The following PRKCSH variants were observed in gnomAD, a reference collection of about 807,000 sequenced individuals.
The protein encoded by PRKCSH is PRKCSH beta subunit of glucosidase II.
Under a neutral mutation model 79.7 loss-of-function variants are expected in PRKCSH, and 42 were observed. The observed-to-expected ratio is 0.53, with a 90% CI of 0.41 to 0.68. PRKCSH has a LOEUF of 0.68. PRKCSH is among the 30% of genes least tolerant of loss of function. The pLI, the probability that PRKCSH is intolerant of heterozygous loss-of-function variation, is 0.00. For missense variants in PRKCSH, 686 were observed against 709.0 expected, an observed-to-expected ratio of 0.97 and a Z score of 0.37; for synonymous variants, 325 against 288.2, an observed-to-expected ratio of 1.13 and a Z score of -1.29.
intron 9 of PRKCSH, 60 bp downstream of exon 9, chr19:11,446,410 AG>A: frequency 6.5e-7 from 1 of 1,539,980 alleles, no homozygotes; most frequent in Non-Finnish European, 8.8e-7. Context: ...GGGTGACCTC[AG>A]GGCACAGGAG....
rs1970296590 is a variant in PRKCSH at position 11,446,327 on chromosome 19, G to A, written c.739G>A (p.Ala247Thr). ...GGAGCTGGACACAGATGGGGATGGG[G>A]CGTTGTCAGAAGCGGAAGCTCAGGT... ...HPELDTDGDG[A>T]LSEAEAQALL... Residue 247 changes from alanine (A) to threonine (T), a missense_variant, in exon 9 of 18, where the codon GCG becomes ACG. Coordinates refer to ENST00000677123, the MANE Select transcript of PRKCSH (RefSeq NM_001289104.2). The A allele has an allele frequency of 6.2e-7, 1 of 1,613,870 alleles. No homozygotes were observed. The highest frequency in any genetic ancestry group is 8.5e-7 in the Non-Finnish European group (1 of 1,179,806).
intron 6 of PRKCSH, among the ~76,000 whole-genome samples, 153 bp downstream of exon 6, chr19:11,441,510 G>A (rs990851937): frequency 3.3e-5 from 5 of 152,296 alleles, no homozygotes; most frequent in Admixed American, 6.5e-5. Context: ...TGTGCTAGGC[G>A]TTTAGTCATT....
At chr19:11,444,330 G>A (rs545924575) in intron 7 of PRKCSH, among the ~76,000 whole-genome samples, 1 of 152,262 alleles carries the variant, frequency 6.6e-6, no homozygotes, top group South Asian at 2.1e-4. Flanking sequence ...ATTCCCAAAG[G>A]GTGGCGGGGC....
intron 2 of PRKCSH, 84 bp from the exon 3 acceptor site, chr19:11,436,305 C>A (rs778441057): frequency 2.5e-6 from 4 of 1,577,050 alleles, no homozygotes; most frequent in Non-Finnish European, 3.5e-6. Flanking sequence ...GGTAGTGCTC[C>A]GCTGGTGGGG....
rs1192225570 is a variant in PRKCSH, at chr19:11,436,605, TTGAG to T, written c.196+103_196+106del. The T allele has an allele frequency of 1.9e-5, 19 of 1,011,904 alleles. No homozygotes were observed. The East Asian group carries it at 3.1e-4, about 17-fold the overall frequency. The allele number at this position is 1,011,904 out of a possible 1,614,324, so 62.7% of individuals were successfully genotyped here. A position where few individuals can be genotyped will look rare whatever the true frequency, so the allele number is the denominator to read the frequency against. ...AGATACTACCTCTGCTGGCTCCCCT[TTGAG>T]TGGGCAGAAACAAGCTCAGAAGTCA... On this transcript the variant is annotated intron_variant, in intron 3 of 17. Coordinates refer to ENST00000677123, the MANE Select transcript of PRKCSH (RefSeq NM_001289104.2).
At position 11,448,828 on chromosome 19, in the gene PRKCSH, G is replaced by A. The variant is rs1465035175; in HGVS notation, c.1287-86G>A. On this transcript the variant is annotated intron_variant, in intron 14 of 17. Coordinates refer to ENST00000677123, the MANE Select transcript of PRKCSH (RefSeq NM_001289104.2). The surrounding 1 kb of genome is among the most constrained non-coding windows in gnomAD (Gnocchi z 4.4). Reference sequence around the variant, plus strand: ...TGGAGTTGGAGGTACCCTGTGTGTGGGGACTGGAGGAGGCGGTGGGGGGTG... The same window carrying A: ...TGGAGTTGGAGGTACCCTGTGTGTGAGGACTGGAGGAGGCGGTGGGGGGTG... 4.6e-6 allele frequency: 7 copies of A among 1,523,546 alleles called. No individual in the cohort carries two copies. The highest frequency in any genetic ancestry group is 6.4e-6 in the Non-Finnish European group (7 of 1,098,610). 94.4% of individuals were successfully genotyped at this position (1,523,546 alleles called of 1,614,324 possible). A position where few individuals can be genotyped will look rare whatever the true frequency, so the allele number is the denominator to read the frequency against.
At chr19:11,441,834 G>C (rs1288350509) in intron 6 of PRKCSH, among the ~76,000 whole-genome samples, 1 of 152,178 alleles carries the variant, frequency 6.6e-6, no homozygotes, top group Non-Finnish European at 1.5e-5. Flanking sequence ...GCTGGAAACC[G>C]ACCTGGATTT....
rs373316162 is a variant in PRKCSH, at chr19:11,449,050, C to A, written c.1362-26C>A. 1 of 1,612,926 alleles carries A rather than the reference C, an allele frequency of 6.2e-7. No individual in the cohort carries two copies. Among genetic ancestry groups the A allele is most frequent in the Non-Finnish European group, 8.5e-7 (1 of 1,179,900 alleles). On this transcript the variant is annotated intron_variant, in intron 15 of 17. Transcript: ENST00000677123. This position sits in a 1 kb window ranked among gnomAD's most constrained non-coding sequence, Gnocchi z 6.4. ...TCCTGGTGCCCCGACACCGGCCCAGCCCTCAGCACCCTGTGTCTCTCACAG... is the reference window on the plus strand; with the variant it reads ...TCCTGGTGCCCCGACACCGGCCCAGACCTCAGCACCCTGTGTCTCTCACAG...
Position 11,447,962 on chromosome 19 carries a change from C to G in PRKCSH, c.1126+173C>G. On this transcript the variant is annotated intron_variant, in intron 12 of 17. Transcript: ENST00000677123. This position sits in a 1 kb window ranked among gnomAD's most constrained non-coding sequence, Gnocchi z 5.6. The stretch of plus-strand genomic sequence containing the variant: ...TAGGGTAAGCCAGTCCCACCCTCGC[C>G]AGCCCCAAGGGGCCCTTCTGCCTCC... 1.2e-6 allele frequency: 1 copy of G among 858,158 alleles called. No individual in the cohort carries two copies. Among genetic ancestry groups the G allele is most frequent in the South Asian group, 1.8e-5 (1 of 56,024 alleles). 53.2% of individuals were successfully genotyped at this position (858,158 alleles called of 1,614,324 possible).
In PRKCSH at chr19:11,449,961, C is replaced by G. The variant is rs555076236; in HGVS notation, c.*16+533C>G. The G allele has an allele frequency of 3.5e-5, 6 of 172,288 alleles. No homozygotes were observed. Among genetic ancestry groups the G allele is most frequent in the Non-Finnish European group, 7.6e-5 (6 of 79,334 alleles). The allele number at this position is 172,288 out of a possible 1,614,324, so 10.7% of individuals were successfully genotyped here. On this transcript the variant is annotated intron_variant, in intron 17 of 17. Coordinates refer to ENST00000677123, the MANE Select transcript of PRKCSH (RefSeq NM_001289104.2). The surrounding 1 kb of genome is among the most constrained non-coding windows in gnomAD (Gnocchi z 6.4). ...CTGGGTGCAAGCAATTCTCCTGCCT[C>G]AGCCTCCTGAGTAATTGGGACTACA...
rs1173082729 is a variant in PRKCSH, at chr19:11,438,089, G to C, written c.315G>C (p.Glu105Asp). 1.9e-6 allele frequency: 3 copies of C among 1,614,060 alleles called. No individual in the cohort carries two copies. Among genetic ancestry groups the C allele is most frequent in the Non-Finnish European group, 2.5e-6 (3 of 1,180,034 alleles). The change falls in exon 5 of 18, where the codon GAG (glutamate) becomes GAC (aspartate). Residue 105 changes from glutamate to aspartate, a missense_variant. By Grantham distance (45) the Glu-to-Asp change is conservative (BLOSUM62 2). This residue lies in a region of PRKCSH where 549 missense variants were observed against 520.2 expected (regional missense o/e 1.06). Coordinates refer to ENST00000677123, the MANE Select transcript of PRKCSH (RefSeq NM_001289104.2). Reference sequence around the variant, plus strand: ...CAGACTGCTGCGATGGAACAGACGAGTACAACAGCGGCGTCATCTGTGAGA... The same window carrying C: ...CAGACTGCTGCGATGGAACAGACGACTACAACAGCGGCGTCATCTGTGAGA... ...GVCDCCDGTD[E>D]YNSGVICENT...
At chr19:11,445,648 A>T in intron 8 of PRKCSH, 175 bp downstream of exon 8, 1 of 696,864 alleles carries the variant, frequency 1.4e-6, no homozygotes, top group Admixed American at 2.1e-5. Context: ...CAGGTCCAGG[A>T]TGCCCTGGGC....
chr19:11,438,546 G>A (rs905939287), intron 5 of PRKCSH, among the ~76,000 whole-genome samples: 1 of 151,938 alleles, frequency 6.6e-6, no homozygotes, highest in Non-Finnish European at 1.5e-5. Context: ...CACGAGGTCA[G>A]GAGATCGAGA....
chr19:11,437,284 C>T lies in PRKCSH; in HGVS notation c.197-592C>T, dbSNP rs1019883830. Among the ~76,000 whole-genome samples the T allele has an allele frequency of 5.4e-5, 8 of 147,832 alleles. No homozygotes were observed. In the East Asian group the frequency reaches 6.1e-4, roughly 11 times the overall value. On this transcript the variant is annotated intron_variant, in intron 3 of 17. Coordinates refer to ENST00000677123, the MANE Select transcript of PRKCSH (RefSeq NM_001289104.2). ...CGATCTCGTCACCTTGTGATCCACC[C>T]GCCTCGGCCTCCCAAAGTGTTGGGA...
At position 11,442,508 on chromosome 19, in the gene PRKCSH, G is replaced by GTGGGAAGGTA. The variant is rs747988070; in HGVS notation, c.595_598+6dup. On this transcript the variant is annotated frameshift_variant, in exon 7 of 18. Coordinates refer to ENST00000677123, the MANE Select transcript of PRKCSH (RefSeq NM_001289104.2). LOFTEE classifies it high-confidence loss of function. ...AGGCCAAAGAGCAGCACCAGAAGCT[G>GTGGGAAGGTA]TGGGAAGGTATGGCAGAAATGGCCA... 1 of 1,610,764 alleles carries GTGGGAAGGTA rather than the reference G, an allele frequency of 6.2e-7. No individual in the cohort carries two copies. Among genetic ancestry groups the GTGGGAAGGTA allele is most frequent in the African/African-American group, 1.3e-5 (1 of 74,826 alleles).
At chr19:11,443,925 G>A (rs528751857) in intron 7 of PRKCSH, among the ~76,000 whole-genome samples, 2 of 152,188 alleles carry the variant, frequency 1.3e-5, no homozygotes, top group East Asian at 3.9e-4. Context: ...ACAGGCACCT[G>A]CCACCACAGC....
Position 11,445,482 on chromosome 19 carries a change from C to T in PRKCSH, c.683+9C>T, listed in dbSNP as rs367735502. The T allele has an allele frequency of 1.2e-6, 2 of 1,613,458 alleles. No individual in the cohort carries two copies. The highest frequency in any genetic ancestry group is 2.2e-5 in the East Asian group (1 of 44,868). On this transcript the variant is annotated intron_variant, in intron 8 of 17. Transcript: ENST00000677123. ...GATGACATGGACGGGACGTGAGTGT[C>T]CCCTAGTTGGAGCTGCCCACCTTTC... is the stretch of plus-strand genomic sequence containing the variant.
At position 11,447,061 on chromosome 19, in the gene PRKCSH, C is replaced by G; in HGVS notation, c.763-13C>G. On this transcript the variant is annotated splice_polypyrimidine_tract_variant and intron_variant, in intron 9 of 17. Transcript: ENST00000677123. The surrounding 1 kb of genome is among the most constrained non-coding windows in gnomAD (Gnocchi z 5.6). ...GGTGGCCTAGATCTTGACACCACCC[C>G]CAACACACACAGGCCCTCCTCAGTG... 4 of 1,613,638 alleles carry G rather than the reference C, an allele frequency of 2.5e-6. No homozygotes were observed. Among genetic ancestry groups the G allele is most frequent in the Non-Finnish European group, 3.4e-6 (4 of 1,179,592 alleles).
rs1970400109 is a variant in PRKCSH, at chr19:11,447,955, C to T, written c.1126+166C>T. 4.6e-6 allele frequency: 4 copies of T among 873,572 alleles called. No individual in the cohort carries two copies. Among genetic ancestry groups the T allele is most frequent in the Non-Finnish European group, 6.9e-6 (4 of 581,210 alleles). 54.1% of individuals were successfully genotyped at this position (873,572 alleles called of 1,614,324 possible). A position where few individuals can be genotyped will look rare whatever the true frequency, so the allele number is the denominator to read the frequency against. ...GGGGGCCTAGGGTAAGCCAGTCCCA[C>T]CCTCGCCAGCCCCAAGGGGCCCTTC... On this transcript the variant is annotated intron_variant, in intron 12 of 17. Transcript: ENST00000677123. This position sits in a 1 kb window ranked among gnomAD's most constrained non-coding sequence, Gnocchi z 5.6.
Sources: allele counts gnomAD v4.1 joint callset (sites outside exome capture counted in the v4.1 genomes callset), GRCh38; gene constraint gnomAD v4.1.1; regional missense constraint gnomAD v4.1.1; non-coding constraint Gnocchi (gnomAD v3.1); transcripts MANE v1.5; gene names NCBI Gene and HGNC (gene_info 2026-07-23, HGNC 2026-07-21).